Variants in CPE observed in about 807,000 individuals in gnomAD.
The protein encoded by CPE is carbocypeptidase E.
CPE carries 17 observed loss-of-function variants against 53.5 expected under a neutral mutation model. The ratio of observed to expected loss-of-function variants is 0.32; its 90% CI spans 0.22 to 0.48. CPE has a LOEUF of 0.48. Among genes scored for constraint, CPE ranks in the 20% least tolerant of loss-of-function variants. The probability of loss-of-function intolerance (pLI) is 0.99; values close to 1 mark genes in which losing one functional copy is unlikely to be tolerated. For missense variants in CPE, 524 were observed against 614.7 expected (o/e 0.85, Z 1.56); for synonymous variants, 226 against 228.8 (o/e 0.99, Z 0.11).
chr4:165,478,839 G>A (rs894546034), intron 3 of CPE, among the ~76,000 whole-genome samples: 4 of 151,962 alleles, frequency 2.6e-5, no homozygotes, highest in African/African-American at 7.2e-5. Flanking sequence ...CCTTACCCCC[G>A]ACAGATGGGC....
chr4:165,485,746 G>A lies in CPE; in HGVS notation c.973+1142G>A, dbSNP rs114817674. ...TAACATTATTAACAATAGTAATAAT[G>A]TTAGTTAACGATTACGTCTCGCTTA... On this transcript the variant is annotated intron_variant, in intron 5 of 8. Transcript: ENST00000402744. Among the ~76,000 whole-genome samples the A allele has an allele frequency of 8.1e-3, 1,227 of 152,232 alleles. 19 individuals carry two copies. The highest frequency in any genetic ancestry group is 0.028 in the African/African-American group (1,179 of 41,546).
At chr4:165,475,922 A>G (rs1365091007) in intron 3 of CPE, among the ~76,000 whole-genome samples, 1 of 152,140 alleles carries the variant, frequency 6.6e-6, no homozygotes, top group East Asian at 1.9e-4. Context: ...GAGAGCAAAA[A>G]GAGAGAAGGA....
At chr4:165,443,756 C>T (rs1731655953) in intron 1 of CPE, among the ~76,000 whole-genome samples, 1 of 152,180 alleles carries the variant, frequency 6.6e-6, no homozygotes, top group Non-Finnish European at 1.5e-5. Flanking sequence ...TAAGGCTTTG[C>T]TATGGTCTGA....
chr4:165,494,987 G>A (rs1208294029), intron 7 of CPE, among the ~76,000 whole-genome samples: 1 of 152,168 alleles, frequency 6.6e-6, no homozygotes, highest in East Asian at 1.9e-4. Context: ...GCAGAACCTG[G>A]GAGCTGGAAT....
intron 1 of CPE, among the ~76,000 whole-genome samples, chr4:165,454,415 T>A (rs953455215): frequency 6.6e-6 from 1 of 152,242 alleles, no homozygotes; most frequent in Non-Finnish European, 1.5e-5. Context: ...TTTGAATTAT[T>A]TTCCTTTTGA....
chr4:165,429,700 T>TA (rs35818467), intron 1 of CPE, among the ~76,000 whole-genome samples: 2,874 of 146,588 alleles, frequency 0.02, 82 homozygotes, highest in African/African-American at 0.064. Context: ...AGACCCTGTT[T>TA]AAAAAAAAAA....
chr4:165,490,921 G>C (rs1418898907), intron 6 of CPE, among the ~76,000 whole-genome samples: 1 of 152,198 alleles, frequency 6.6e-6, no homozygotes, highest in Non-Finnish European at 1.5e-5. Flanking sequence ...GGCACCGCAA[G>C]TGTAGTAAAA....
At chr4:165,448,527 C>T (rs1279364821) in intron 1 of CPE, among the ~76,000 whole-genome samples, 1 of 152,014 alleles carries the variant, frequency 6.6e-6, no homozygotes, top group Non-Finnish European at 1.5e-5. Flanking sequence ...TAACGGGGAG[C>T]AGGAAATGCC....
intron 4 of CPE, among the ~76,000 whole-genome samples, chr4:165,483,478 T>C (rs1282448300): frequency 2.0e-5 from 3 of 152,214 alleles, no homozygotes; most frequent in Non-Finnish European, 2.9e-5. Context: ...CTTTATATAA[T>C]AATTTCTTTT....
intron 6 of CPE, among the ~76,000 whole-genome samples, chr4:165,492,599 G>C (rs2126717396): frequency 6.6e-6 from 1 of 152,236 alleles, no homozygotes; most frequent in Non-Finnish European, 1.5e-5. Flanking sequence ...CAACTCTAAG[G>C]GGGACCGCAT....
At chr4:165,436,153 A>G (rs1316414387) in intron 1 of CPE, among the ~76,000 whole-genome samples, 1 of 151,724 alleles carries the variant, frequency 6.6e-6, no homozygotes, top group African/African-American at 2.4e-5. Context: ...TGATCCCTAC[A>G]TATAAAAAAT....
intron 1 of CPE, among the ~76,000 whole-genome samples, chr4:165,408,898 G>A (rs1226711926): frequency 1.3e-5 from 2 of 152,202 alleles, no homozygotes; most frequent in African/African-American, 2.4e-5. Flanking sequence ...GGCTAAGTGT[G>A]CATGGAGGAA....
intron 3 of CPE, among the ~76,000 whole-genome samples, chr4:165,481,016 A>ATATATATATATATATATATATATATTT (rs1491161430): frequency 9.0e-6 from 1 of 111,040 alleles, no homozygotes; most frequent in African/African-American, 3.4e-5. Context: ...ATATATATAT[A>ATATATATATATATATATATATATATTT]TTTTTTTTTT....
chr4:165,434,241 G>A lies in CPE; in HGVS notation c.308-30149G>A, dbSNP rs1731458995. On this transcript the variant is annotated intron_variant, in intron 1 of 8. Transcript: ENST00000402744. ...GGAACATGTGGGAGTTTTCAACTCCGAATTCTCAACATTTTGTCTAGTGCT... is the reference window on the plus strand; with the variant it reads ...GGAACATGTGGGAGTTTTCAACTCCAAATTCTCAACATTTTGTCTAGTGCT... Among the ~76,000 whole-genome samples the A allele has an allele frequency of 2.0e-5, 3 of 152,008 alleles. 1 individual carries two copies. Among genetic ancestry groups the A allele is most frequent in the South Asian group, 2.1e-4 (1 of 4,826 alleles).
chr4:165,462,636 T>G (rs2126699489), intron 1 of CPE, among the ~76,000 whole-genome samples: 1 of 152,266 alleles, frequency 6.6e-6, no homozygotes, highest in South Asian at 2.1e-4. Flanking sequence ...GGAAGAAGGT[T>G]ATTATTACCT....
At chr4:165,450,042 T>A (rs902400752) in intron 1 of CPE, among the ~76,000 whole-genome samples, 23 of 152,218 alleles carry the variant, frequency 1.5e-4, no homozygotes, top group Non-Finnish European at 2.6e-4. Context: ...AGATAAAGTT[T>A]ACTTGGGACA....
At chr4:165,383,097 T>TACA (rs939361351) in intron 1 of CPE, among the ~76,000 whole-genome samples, 1 of 152,154 alleles carries the variant, frequency 6.6e-6, no homozygotes, top group African/African-American at 2.4e-5. Context: ...CAGACATTGT[T>TACA]AAGTCTGGAC....
chr4:165,482,434 TA>T (rs1732432210), intron 4 of CPE, 75 bp downstream of exon 4: 2 of 1,043,902 alleles, frequency 1.9e-6, no homozygotes, highest in African/African-American at 3.2e-5. Context: ...ATGATTTCTG[TA>T]ATTTTTTTTA....
At chr4:165,400,687 C>G (rs1730850773) in intron 1 of CPE, among the ~76,000 whole-genome samples, 1 of 152,166 alleles carries the variant, frequency 6.6e-6, no homozygotes, top group African/African-American at 2.4e-5. Flanking sequence ...ATTCATCAAA[C>G]CAAGCCTTTC....
Sources: gnomAD v4.1 joint callset for allele counts (sites outside exome capture counted in the v4.1 genomes callset) on GRCh38, gnomAD v4.1.1 for gene constraint, MANE v1.5 for transcripts, NCBI Gene and HGNC (gene_info 2026-07-23, HGNC 2026-07-21) for gene names.